The following CRAMP1 variants were observed in gnomAD, a reference collection of about 807,000 sequenced individuals.
The protein encoded by CRAMP1 is protein cramped-like.
A neutral mutation model predicts 115.4 loss-of-function variants in CRAMP1; 50 were observed. The ratio of observed to expected loss-of-function variants is 0.43; its 90% CI spans 0.35 to 0.55. CRAMP1 has a LOEUF of 0.55. CRAMP1 is among the 20% of genes least tolerant of loss of function. The pLI is 0.01. For synonymous variants in CRAMP1, 866 were observed against 745.4 expected (o/e 1.16, Z -2.64); for missense variants, 1,679 against 1,721.7 (o/e 0.98, Z 0.44).
At chr16:1,673,512 C>G (rs558856296) in intron 20 of CRAMP1, among the ~76,000 whole-genome samples, 67 of 146,050 alleles carry the variant, frequency 4.6e-4, no homozygotes, top group African/African-American at 1.9e-3. Context: ...TTTCCCGGCA[C>G]TCTCTGTCCC....
chr16:1,620,301 T>C (rs1340345471), intron 2 of CRAMP1, among the ~76,000 whole-genome samples: 1 of 152,214 alleles, frequency 6.6e-6, no homozygotes, highest in Non-Finnish European at 1.5e-5. Context: ...TGCTGTCTTA[T>C]GCTGCAGACG....
intron 1 of CRAMP1, among the ~76,000 whole-genome samples, chr16:1,612,993 C>T (rs1391644397): frequency 6.6e-6 from 1 of 152,084 alleles, no homozygotes; most frequent in Non-Finnish European, 1.5e-5. Flanking sequence ...GCTCGGTCGG[C>T]GTCTTGGGTG....
intron 4 of CRAMP1, among the ~76,000 whole-genome samples, chr16:1,634,242 T>G (rs1401110697): frequency 2.6e-5 from 4 of 152,222 alleles, no homozygotes; most frequent in Admixed American, 2.0e-4. Context: ...GAAGCGTCTT[T>G]GGACCCTCAG....
chr16:1,635,264 G>C (rs1000136617), intron 4 of CRAMP1, among the ~76,000 whole-genome samples: 9 of 152,200 alleles, frequency 5.9e-5, no homozygotes, highest in Non-Finnish European at 7.3e-5. Flanking sequence ...CTCATCTTGT[G>C]GCGTGAGACA....
At chr16:1,647,129 T>C (rs776688343) in intron 6 of CRAMP1, 68 of 697,206 alleles carry the variant, frequency 9.8e-5, no homozygotes, top group Non-Finnish European at 1.4e-4. Flanking sequence ...GCGATTGGGG[T>C]ATTTGACTTG....
At chr16:1,625,362 C>T (rs548970145) in intron 2 of CRAMP1, among the ~76,000 whole-genome samples, 130 of 152,238 alleles carry the variant, frequency 8.5e-4, no homozygotes, top group Non-Finnish European at 1.5e-3. Context: ...AGATTGGGAA[C>T]TGATGCTATA....
intron 10 of CRAMP1, among the ~76,000 whole-genome samples, chr16:1,658,128 A>G (rs1401077659): frequency 1.3e-5 from 2 of 152,014 alleles, no homozygotes; most frequent in African/African-American, 2.4e-5. Context: ...CTTGCCCCGG[A>G]GAGTTGGTCC....
intron 2 of CRAMP1, among the ~76,000 whole-genome samples, chr16:1,618,170 G>A (rs1400890096): frequency 6.6e-6 from 1 of 152,148 alleles, no homozygotes; most frequent in Non-Finnish European, 1.5e-5. Flanking sequence ...CCATCTTTTG[G>A]ATAAAATAAA....
intron 3 of CRAMP1, among the ~76,000 whole-genome samples, 193 bp from the exon 4 acceptor site, chr16:1,632,019 T>G (rs905846425): frequency 6.6e-6 from 1 of 152,194 alleles, no homozygotes; most frequent in African/African-American, 2.4e-5. Flanking sequence ...ATTGCTCCTT[T>G]ATCCTGATTA....
intron 8 of CRAMP1, among the ~76,000 whole-genome samples, chr16:1,654,455 G>C (rs1354578359): frequency 6.6e-6 from 1 of 152,176 alleles, no homozygotes; most frequent in Non-Finnish European, 1.5e-5. Context: ...CAGGTGATCT[G>C]CCTGCTTCGG....
chr16:1,646,319 C>A (rs1432356185), intron 6 of CRAMP1, among the ~76,000 whole-genome samples: 1 of 152,084 alleles, frequency 6.6e-6, no homozygotes, highest in Non-Finnish European at 1.5e-5. Flanking sequence ...ATGGAGCTGC[C>A]AGACTCTTCC....
chr16:1,641,131 A>C lies in CRAMP1; in HGVS notation c.779-8A>C. The C allele has an allele frequency of 6.2e-7, 1 of 1,604,564 alleles. No homozygotes were observed. The highest frequency in any genetic ancestry group is 8.5e-7 in the Non-Finnish European group (1 of 1,171,924). ...GTGGTCTCATTTATTTATTTTTTCC[A>C]TTTAAAGGTATGGATGACAAGAATG... On this transcript the variant is annotated splice_region_variant and splice_polypyrimidine_tract_variant and intron_variant, in intron 5 of 20. Transcript: ENST00000397412.
rs1286586315 is a variant in CRAMP1, at chr16:1,614,739, G to A, written c.100G>A (p.Gly34Ser). Residue 34 changes from glycine (G) to serine (S), a missense_variant, in exon 2 of 21, where the codon GGC (glycine) becomes AGC (serine). Gly to Ser is a moderately conservative substitution (Grantham distance 56). Around this residue, in one of 8 missense-constraint regions of CRAMP1, gnomAD observed 264 missense variants for 229.7 expected, o/e 1.15. Coordinates refer to ENST00000397412, the MANE Select transcript of CRAMP1 (RefSeq NM_020825.4). The surrounding 1 kb of genome is among the most constrained non-coding windows in gnomAD (Gnocchi z 4.4). ...GGAGTCCCTGGAAGGAGAAGGGGCC[G>A]GCGGCGCAGACGCGGCCGAGGAGAG... Reference protein sequence around the residue: ...DEESLEGEGAGGADAAEESSG... With the variant: ...DEESLEGEGASGADAAEESSG... 1.5e-6 allele frequency: 2 copies of A among 1,369,374 alleles called. No individual in the cohort carries two copies. Among genetic ancestry groups the A allele is most frequent in the African/African-American group, 1.5e-5 (1 of 66,938 alleles). 84.8% of individuals were successfully genotyped at this position (1,369,374 alleles called of 1,614,324 possible). A position where few individuals can be genotyped will look rare whatever the true frequency, so the allele number is the denominator to read the frequency against.
chr16:1,662,261 G>A (rs1273049275), intron 11 of CRAMP1, among the ~76,000 whole-genome samples: 1 of 152,210 alleles, frequency 6.6e-6, no homozygotes, highest in Non-Finnish European at 1.5e-5. Context: ...AAGTGCTTTT[G>A]TCCTATCCAG....
Position 1,666,688 on chromosome 16 carries a change from C to T in CRAMP1, c.3036+88C>T. 2 of 1,243,464 alleles carry T rather than the reference C, an allele frequency of 1.6e-6. No homozygotes were observed. The highest frequency in any genetic ancestry group is 2.3e-6 in the Non-Finnish European group (2 of 865,848). 77.0% of individuals were successfully genotyped at this position (1,243,464 alleles called of 1,614,324 possible). ...ATGGGGCTGAGATCACGCTGGACTC[C>T]AGCTCTGCCTTTGGAGGAGAGTCTC... is the stretch of plus-strand genomic sequence containing the variant. On this transcript the variant is annotated intron_variant, in intron 16 of 20. Transcript: ENST00000397412. This position sits in a 1 kb window ranked among gnomAD's most constrained non-coding sequence, Gnocchi z 5.0.
At chr16:1,630,280 T>C (rs1174761964) in intron 3 of CRAMP1, among the ~76,000 whole-genome samples, 1 of 152,064 alleles carries the variant, frequency 6.6e-6, no homozygotes, top group Non-Finnish European at 1.5e-5. Context: ...GCCTCCCACG[T>C]AGCTAGGACT....
chr16:1,668,897 A>C (rs547762154), intron 18 of CRAMP1, 104 bp from the exon 19 acceptor site: 1 of 1,041,982 alleles, frequency 9.6e-7, no homozygotes, highest in Non-Finnish European at 1.5e-6. Flanking sequence ...TCAGCAGGGT[A>C]GAGCCCTGCG....
intron 6 of CRAMP1, among the ~76,000 whole-genome samples, chr16:1,648,308 T>C (rs1405369654): frequency 1.3e-5 from 2 of 152,124 alleles, no homozygotes; most frequent in Non-Finnish European, 2.9e-5. Flanking sequence ...TTGGAGGAGA[T>C]TATTTTAGAA....
At position 1,673,871 on chromosome 16, in the gene CRAMP1, C is replaced by T. The variant is rs749413755; in HGVS notation, c.3646-10C>T. On this transcript the variant is annotated splice_polypyrimidine_tract_variant and intron_variant, in intron 20 of 20. Transcript: ENST00000397412. ...CGGTGACTTGTTCTTCCTGTCTCCT[C>T]TTCCTGCAGGTTGTGGATTCCCAGC... 2.5e-5 allele frequency: 41 copies of T among 1,613,558 alleles called. No individual in the cohort carries two copies. Among genetic ancestry groups the T allele is most frequent in the Non-Finnish European group, 3.5e-5 (41 of 1,179,776 alleles).
Sources: allele counts gnomAD v4.1 joint callset (sites outside exome capture counted in the v4.1 genomes callset), GRCh38; gene constraint gnomAD v4.1.1; regional missense constraint gnomAD v4.1.1; non-coding constraint Gnocchi (gnomAD v3.1); transcripts MANE v1.5; gene names NCBI Gene and HGNC (gene_info 2026-07-23, HGNC 2026-07-21).